The following RYR2 variants were observed in gnomAD, a reference collection of about 807,000 sequenced individuals.
RYR2 encodes the protein ryanodine receptor 2, also known as cardiac muscle ryanodine receptor-calcium release channel.
In RYR2, 227 loss-of-function variants were observed where a neutral mutation model predicts 601.1. The observed-to-expected ratio is 0.38, with a 90% CI of 0.34 to 0.42. The LOEUF is 0.42. RYR2 is among the 10% of genes least tolerant of loss of function. RYR2 has a pLI of 1.00. For missense variants in RYR2, 4,646 were observed against 6,156.5 expected (o/e 0.75, Z 8.21); for synonymous variants, 2,223 against 2,175.1 (o/e 1.02, Z -0.61).
rs112771706 is a variant in RYR2 at position 237,493,731 on chromosome 1, C to T, written c.1961+644C>T. On this transcript the variant is annotated intron_variant, in intron 19 of 104. Coordinates refer to ENST00000366574, the MANE Select transcript of RYR2 (RefSeq NM_001035.3). ...CCTCCCAAAATGCTGGGATTACAGG[C>T]GTGAGCCACTGCGCCCAGCCCCTTC... 4.5e-3 allele frequency among the ~76,000 whole-genome samples: 681 copies of T among 152,312 alleles called. 6 individuals are homozygous for T. Among genetic ancestry groups the T allele is most frequent in the African/African-American group, 0.016 (650 of 41,578 alleles).
chr1:237,331,021 G>T (rs757047446), intron 3 of RYR2, 39 bp downstream of exon 3: 2 of 1,485,596 alleles, frequency 1.3e-6, no homozygotes, highest in Non-Finnish European at 1.9e-6. Context: ...GTATTTTAAT[G>T]AGCTCAGCTA....
intron 16 of RYR2, among the ~76,000 whole-genome samples, chr1:237,464,461 T>A (rs1033444895): frequency 2.0e-5 from 3 of 152,064 alleles, no homozygotes; most frequent in Non-Finnish European, 4.4e-5. Flanking sequence ...CTGTGAAAGA[T>A]CATATTACAG....
intron 24 of RYR2, among the ~76,000 whole-genome samples, chr1:237,513,981 A>G (rs1275489051): frequency 2.6e-5 from 4 of 152,220 alleles, no homozygotes; most frequent in Non-Finnish European, 5.9e-5. Flanking sequence ...ATATATACAC[A>G]TCAAGTAAAT....
chr1:237,477,461 T>C (rs1412483754), intron 17 of RYR2, among the ~76,000 whole-genome samples: 1 of 152,196 alleles, frequency 6.6e-6, no homozygotes, highest in African/African-American at 2.4e-5. Flanking sequence ...GGCCTGTTTC[T>C]AGTCTCCTTT....
chr1:237,745,736 A>G (rs1692017909), intron 80 of RYR2, among the ~76,000 whole-genome samples: 1 of 152,332 alleles, frequency 6.6e-6, no homozygotes, highest in South Asian at 2.1e-4. Context: ...TGAACTTAGA[A>G]TAGTGGACAA....
chr1:237,550,728 G>T, intron 27 of RYR2, 37 bp downstream of exon 27: 1 of 1,530,810 alleles, frequency 6.5e-7, no homozygotes, highest in Non-Finnish European at 8.8e-7. Context: ...TCGGTTGCAA[G>T]ATGATGTAGT....
chr1:237,804,412 T>C (rs771706649), intron 98 of RYR2, among the ~76,000 whole-genome samples: 29 of 151,842 alleles, frequency 1.9e-4, no homozygotes, highest in Middle Eastern at 3.2e-3. Flanking sequence ...CTCAGCCCCC[T>C]CTTTTTATTC....
chr1:237,774,665 C>G (rs949471758), intron 87 of RYR2, among the ~76,000 whole-genome samples: 67 of 152,272 alleles, frequency 4.4e-4, no homozygotes, highest in African/African-American at 1.5e-3. Flanking sequence ...CAGTTTTGGT[C>G]TACTCACAGT....
rs910485865 is a variant in RYR2 at position 237,635,135 on chromosome 1, G to A, written c.6792+143G>A. On this transcript the variant is annotated intron_variant, in intron 44 of 104. Transcript: ENST00000366574. ...TATGGCCAAAACCGCAATTAATTTT[G>A]CACCAACACAATATGTTCTAGTGCT... 14 of 562,760 alleles carry A rather than the reference G, an allele frequency of 2.5e-5. No homozygotes were observed. The Admixed American group carries it at 4.8e-4, about 19-fold the overall frequency. The allele number at this position is 562,760 out of a possible 1,614,324, so 34.9% of individuals were successfully genotyped here. A position where few individuals can be genotyped will look rare whatever the true frequency, so the allele number is the denominator to read the frequency against.
At chr1:237,646,107 G>A (rs1478972016) in intron 48 of RYR2, among the ~76,000 whole-genome samples, 1 of 152,094 alleles carries the variant, frequency 6.6e-6, no homozygotes, top group Non-Finnish European at 1.5e-5. Flanking sequence ...TCGATCTCCT[G>A]ACCTCGTGAT....
At chr1:237,418,808 A>G (rs2150037553) in intron 11 of RYR2, among the ~76,000 whole-genome samples, 1 of 152,164 alleles carries the variant, frequency 6.6e-6, no homozygotes, top group South Asian at 2.1e-4. Context: ...ATTAATAACT[A>G]ATTGAAAACA....
intron 3 of RYR2, among the ~76,000 whole-genome samples, chr1:237,343,199 G>A (rs923296871): frequency 3.3e-5 from 5 of 151,820 alleles, no homozygotes; most frequent in Non-Finnish European, 5.9e-5. Context: ...CTCCAACCTG[G>A]GTGACAGAGC....
At chr1:237,537,585 G>T (rs966608194) in intron 25 of RYR2, among the ~76,000 whole-genome samples, 3 of 152,138 alleles carry the variant, frequency 2.0e-5, no homozygotes, top group African/African-American at 7.2e-5. Context: ...AAATTGCTGG[G>T]ATTACAGGTG....
intron 33 of RYR2, among the ~76,000 whole-genome samples, chr1:237,594,924 T>TTTG (rs1675713923): frequency 1.2e-5 from 1 of 85,224 alleles, no homozygotes; most frequent in African/African-American, 3.4e-5. Flanking sequence ...TTTTTTTTTT[T>TTTG]TTTTTTTGCA....
In RYR2 at chr1:237,377,372, A is replaced by G. The variant is rs923459089; in HGVS notation, c.513A>G (p.Glu171=). Residue 171 remains glutamate, a synonymous_variant, in exon 8 of 105, where the codon GAA becomes GAG. Coordinates refer to ENST00000366574, the MANE Select transcript of RYR2 (RefSeq NM_001035.3). The part of the protein sequence containing the change: ...TIHPASKQRS[E]GEKVRVGDDL... Reference sequence around the variant, plus strand: ...ACCCTGCCTCTAAGCAGCGATCAGAAGGAGAAAAAGTACGAGTTGGAGATG... The same window carrying G: ...ACCCTGCCTCTAAGCAGCGATCAGAGGGAGAAAAAGTACGAGTTGGAGATG... 1.9e-6 allele frequency: 3 copies of G among 1,613,626 alleles called. No homozygotes were observed. Among genetic ancestry groups the G allele is most frequent in the Non-Finnish European group, 2.5e-6 (3 of 1,179,714 alleles).
At chr1:237,155,593 A>G (rs1675237967) in intron 1 of RYR2, among the ~76,000 whole-genome samples, 1 of 152,244 alleles carries the variant, frequency 6.6e-6, no homozygotes, top group Non-Finnish European at 1.5e-5. Context: ...AAGACAAGTT[A>G]TTAAACTTTC....
At chr1:237,512,033 G>A (rs1665969236) in intron 24 of RYR2, among the ~76,000 whole-genome samples, 1 of 152,094 alleles carries the variant, frequency 6.6e-6, no homozygotes, top group Non-Finnish European at 1.5e-5. Flanking sequence ...TCCTACAGGT[G>A]TATATGGGTA....
intron 3 of RYR2, among the ~76,000 whole-genome samples, chr1:237,341,370 G>T (rs1387877231): frequency 1.3e-5 from 2 of 152,068 alleles, no homozygotes; most frequent in East Asian, 3.9e-4. Flanking sequence ...TTGAGATAGA[G>T]TCTCATTCTG....
At chr1:237,530,825 G>A (rs932479919) in intron 25 of RYR2, among the ~76,000 whole-genome samples, 6 of 151,992 alleles carry the variant, frequency 3.9e-5, no homozygotes, top group Non-Finnish European at 5.9e-5. Flanking sequence ...CAGGAGAATC[G>A]CTTGAACTTG....
Sources: gnomAD v4.1 joint callset for allele counts (sites outside exome capture counted in the v4.1 genomes callset) on GRCh38, gnomAD v4.1.1 for gene constraint, MANE v1.5 for transcripts, NCBI Gene and HGNC (gene_info 2026-07-23, HGNC 2026-07-21) for gene names.